AGO3: variants seen among roughly 807,000 people sequenced by gnomAD.
AGO3 encodes the protein argonaute RISC catalytic component 3.
Under a neutral mutation model 105.5 loss-of-function variants are expected in AGO3, and 16 were observed. That is an observed-to-expected ratio of 0.15 (90% CI 0.10 to 0.23). The LOEUF is 0.23. Among genes scored for constraint, AGO3 ranks in the 10% least tolerant of loss-of-function variants. The pLI is 1.00. For missense variants in AGO3, 534 were observed against 1,088.0 expected (o/e 0.49, Z 7.16); for synonymous variants, 340 against 367.3 (o/e 0.93, Z 0.85).
At chr1:35,950,214 C>T (rs1474566216) in intron 2 of AGO3, among the ~76,000 whole-genome samples, 5 of 149,770 alleles carry the variant, frequency 3.3e-5, no homozygotes, top group Non-Finnish European at 7.4e-5. Flanking sequence ...AGTAAGACTC[C>T]GTCTCAAAAA....
chr1:35,945,669 T>C, intron 1 of AGO3, 23 bp from the exon 2 acceptor site: 1 of 1,606,270 alleles, frequency 6.2e-7, no homozygotes. Context: ...TGTGACTCTT[T>C]TTTTTTCCCT....
rs565532664 is a variant in AGO3 at position 36,056,298 on chromosome 1, G to T, written c.*553G>T. ...ATATGTGTCTGTTATATATTTTAGA[G>T]TTCATTCCATTGGGGAATTTTCTTT... On this transcript the variant is annotated 3_prime_UTR_variant, in exon 19 of 19. Coordinates refer to ENST00000373191, the MANE Select transcript of AGO3 (RefSeq NM_024852.4). The T allele has an allele frequency of 6.6e-6, 1 of 152,312 alleles. No individual in the cohort carries two copies. Among genetic ancestry groups the T allele is most frequent in the African/African-American group, 2.4e-5 (1 of 41,534 alleles). The allele number at this position is 152,312 out of a possible 1,614,324, so 9.4% of individuals were successfully genotyped here. A position where few individuals can be genotyped will look rare whatever the true frequency, so the allele number is the denominator to read the frequency against.
intron 12 of AGO3, among the ~76,000 whole-genome samples, chr1:36,033,870 AG>A (rs2148842404): frequency 6.6e-6 from 1 of 152,304 alleles, no homozygotes; most frequent in Admixed American, 6.5e-5. Context: ...AACGATAACA[AG>A]GGATTATGTG....
chr1:35,956,641 T>TC (rs2148760290), intron 2 of AGO3, among the ~76,000 whole-genome samples: 1 of 151,636 alleles, frequency 6.6e-6, no homozygotes, highest in East Asian at 1.9e-4. Context: ...TTTTTTGTTT[T>TC]TTTTTTTTTT....
intron 17 of AGO3, among the ~76,000 whole-genome samples, chr1:36,046,243 A>G (rs1432850087): frequency 6.6e-6 from 1 of 152,172 alleles, no homozygotes; most frequent in African/African-American, 2.4e-5. Flanking sequence ...TGGAAGTGGA[A>G]CTATAGCTGG....
intron 1 of AGO3, among the ~76,000 whole-genome samples, chr1:35,937,044 A>T (rs1319504702): frequency 6.6e-6 from 1 of 152,216 alleles, no homozygotes; most frequent in African/African-American, 2.4e-5. Context: ...AAAAATGATG[A>T]AAGAATAGAT....
intron 11 of AGO3, among the ~76,000 whole-genome samples, chr1:36,014,553 C>CCT (rs1640790468): frequency 6.6e-6 from 1 of 151,124 alleles, no homozygotes; most frequent in Admixed American, 6.6e-5. Flanking sequence ...GGGTGGATCA[C>CCT]AAGGTCAGGA....
chr1:35,935,684 G>T (rs1388852757), intron 1 of AGO3, among the ~76,000 whole-genome samples: 1 of 152,194 alleles, frequency 6.6e-6, no homozygotes, highest in Non-Finnish European at 1.5e-5. Context: ...GCTCAGAGTA[G>T]ATTTCTTGCC....
chr1:36,049,212 G>C (rs1309372516), intron 17 of AGO3, among the ~76,000 whole-genome samples: 1 of 152,074 alleles, frequency 6.6e-6, no homozygotes. Context: ...GGAGGGCAGG[G>C]GGGATGGGTT....
At position 36,059,232 on chromosome 1, in the gene AGO3, A is replaced by G. The variant is rs977502685; in HGVS notation, c.*3487A>G. 1.3e-5 allele frequency: 2 copies of G among 152,070 alleles called. No homozygotes were observed. The highest frequency in any genetic ancestry group is 1.5e-5 in the Non-Finnish European group (1 of 67,994). 9.4% of individuals were successfully genotyped at this position (152,070 alleles called of 1,614,324 possible). A position where few individuals can be genotyped will look rare whatever the true frequency, so the allele number is the denominator to read the frequency against. On this transcript the variant is annotated 3_prime_UTR_variant, in exon 19 of 19. Transcript: ENST00000373191. ...ATTAACTTGAAAGAGTATGTATACT[A>G]TATTTCTATTTTGCTAACAAATTGG...
chr1:35,989,586 C>A (rs913228979), intron 5 of AGO3, among the ~76,000 whole-genome samples: 16 of 152,086 alleles, frequency 1.1e-4, no homozygotes, highest in African/African-American at 3.9e-4. Context: ...TTAAGACCAT[C>A]ATAGTGGCTG....
At chr1:36,015,113 A>G (rs1356340908) in intron 11 of AGO3, among the ~76,000 whole-genome samples, 7 of 152,190 alleles carry the variant, frequency 4.6e-5, no homozygotes, top group Non-Finnish European at 4.4e-5. Flanking sequence ...ACTCTGCTTC[A>G]GATGCCAGTA....
intron 2 of AGO3, among the ~76,000 whole-genome samples, chr1:35,958,342 C>G (rs955633687): frequency 6.6e-6 from 1 of 151,946 alleles, no homozygotes; most frequent in Non-Finnish European, 1.5e-5. Flanking sequence ...GATCACACCA[C>G]TGCACTCCAG....
chr1:35,971,112 T>C (rs1571449906), intron 3 of AGO3, among the ~76,000 whole-genome samples: 1 of 145,338 alleles, frequency 6.9e-6, no homozygotes, highest in Non-Finnish European at 1.5e-5. Flanking sequence ...AAATAATATA[T>C]AAATTTATAT....
intron 5 of AGO3, among the ~76,000 whole-genome samples, chr1:35,995,211 T>A (rs12119877): frequency 0.25 from 21,722 of 87,686 alleles, 1,779 homozygotes; most frequent in Admixed American, 0.31. Context: ...AAAAAAAAAA[T>A]ATATATATAT....
intron 11 of AGO3, among the ~76,000 whole-genome samples, chr1:36,022,635 GAAAC>G (rs1641287980): frequency 1.3e-5 from 2 of 152,090 alleles, no homozygotes. Flanking sequence ...ACAAGAAAAA[GAAAC>G]AAAGGGCATA....
intron 8 of AGO3, 138 bp downstream of exon 8, chr1:36,009,182 TCTGTAATGAAATAACA>T: frequency 2.6e-6 from 3 of 1,162,146 alleles, no homozygotes; most frequent in Non-Finnish European, 3.4e-6. Flanking sequence ...TTCTAAATTT[TCTGTAATGAAATAACA>T]CGAAACAAGT....
chr1:35,960,832 G>T (rs959409506), intron 2 of AGO3, among the ~76,000 whole-genome samples: 3 of 151,798 alleles, frequency 2.0e-5, no homozygotes, highest in African/African-American at 7.3e-5. Flanking sequence ...TTTCCTTAAG[G>T]CTCTGAACTA....
chr1:35,932,273 C>T (rs1646065423), intron 1 of AGO3, among the ~76,000 whole-genome samples: 1 of 152,106 alleles, frequency 6.6e-6, no homozygotes, highest in Admixed American at 6.5e-5. Context: ...TAACGGTTTG[C>T]CTAACAAATG....
Sources: allele counts gnomAD v4.1 joint callset (sites outside exome capture counted in the v4.1 genomes callset), GRCh38; gene constraint gnomAD v4.1.1; transcripts MANE v1.5; gene names NCBI Gene and HGNC (gene_info 2026-07-23, HGNC 2026-07-21).